The following NBAS variants were observed in gnomAD, a reference collection of about 807,000 sequenced individuals.
NBAS encodes NBAS subunit of NRZ tethering complex, also known as NAG/BC035112 fusion.
A neutral mutation model predicts 302.5 loss-of-function variants in NBAS; 219 were observed. The ratio of observed to expected loss-of-function variants is 0.72; its 90% CI spans 0.65 to 0.81. The LOEUF is 0.81. NBAS is among the 30% of genes least tolerant of loss of function. The probability of loss-of-function intolerance (pLI) is 0.00; values close to 1 mark genes in which losing one functional copy is unlikely to be tolerated. For missense variants in NBAS, 2,932 were observed against 2,841.6 expected (o/e 1.03, Z -0.72); for synonymous variants, 1,118 against 1,021.6 (o/e 1.09, Z -1.80).
chr2:15,123,644 T>G, the NBAS span, among the ~76,000 whole-genome samples: 1 of 152,046 alleles, frequency 6.6e-6, no homozygotes, highest in African/African-American at 2.4e-5. Flanking sequence ...AGCACCTCCC[T>G]CCTCTCTGTC....
chr2:15,376,248 G>A (rs893164163), intron 30 of NBAS, among the ~76,000 whole-genome samples: 1 of 152,042 alleles, frequency 6.6e-6, no homozygotes, highest in Non-Finnish European at 1.5e-5. Flanking sequence ...AGGCTCACAG[G>A]TCACAATCAG....
At chr2:15,350,904 G>A (rs1302172691) in intron 35 of NBAS, among the ~76,000 whole-genome samples, 2 of 152,104 alleles carry the variant, frequency 1.3e-5, no homozygotes, top group Non-Finnish European at 2.9e-5. Flanking sequence ...AGTCTCATTG[G>A]TAAAACAAAA....
At chr2:15,227,707 CA>C (rs776656675) in intron 47 of NBAS, among the ~76,000 whole-genome samples, 1 of 152,124 alleles carries the variant, frequency 6.6e-6, no homozygotes, top group Non-Finnish European at 1.5e-5. Context: ...TGATTTTTGA[CA>C]AAGGCTCCAA....
chr2:14,858,426 T>C, the NBAS span, among the ~76,000 whole-genome samples: 1 of 152,042 alleles, frequency 6.6e-6, no homozygotes, highest in Admixed American at 6.5e-5. Context: ...CATCAGTAGA[T>C]GAATGGATAA....
At chr2:15,419,404 A>AGTGT (rs139124907) in intron 23 of NBAS, among the ~76,000 whole-genome samples, 1 of 149,826 alleles carries the variant, frequency 6.7e-6, no homozygotes, top group African/African-American at 2.5e-5. Flanking sequence ...TGTGTGTATG[A>AGTGT]GTGTGTGTGT....
chr2:15,227,536 T>C (rs1027260426), intron 47 of NBAS, among the ~76,000 whole-genome samples: 1 of 151,872 alleles, frequency 6.6e-6, no homozygotes, highest in African/African-American at 2.4e-5. Flanking sequence ...AGACCCTGGA[T>C]ACCTAAAACA....
chr2:15,275,304 T>C (rs1346862976), intron 44 of NBAS, among the ~76,000 whole-genome samples, 180 bp downstream of exon 44: 1 of 152,060 alleles, frequency 6.6e-6, no homozygotes, highest in Non-Finnish European at 1.5e-5. Flanking sequence ...ACATCTACAA[T>C]AGAGAAAAAA....
chr2:15,091,935 G>A, the NBAS span, among the ~76,000 whole-genome samples: 1 of 152,220 alleles, frequency 6.6e-6, no homozygotes, highest in Non-Finnish European at 1.5e-5. Context: ...TTAAAAGACT[G>A]CTTATGTTAT....
chr2:15,361,882 A>AG (rs1223671379), intron 32 of NBAS, among the ~76,000 whole-genome samples: 1 of 152,014 alleles, frequency 6.6e-6, no homozygotes. Flanking sequence ...TGGGAAGCTG[A>AG]GGCAGGAGAA....
chr2:15,162,820 T>C (rs774759082), downstream of NBAS, among the ~76,000 whole-genome samples: 1 of 152,218 alleles, frequency 6.6e-6, no homozygotes, highest in Non-Finnish European at 1.5e-5. Context: ...TTTGAAGTTA[T>C]TAAGAAGAAA....
chr2:15,517,567 G>A (rs74443693), intron 9 of NBAS, among the ~76,000 whole-genome samples: 172 of 152,160 alleles, frequency 1.1e-3, no homozygotes, highest in Non-Finnish European at 2.2e-3. Context: ...ATACATCTTA[G>A]GTCAAAGAAA....
At chr2:15,062,881 G>C in the NBAS span, among the ~76,000 whole-genome samples, 1 of 152,168 alleles carries the variant, frequency 6.6e-6, no homozygotes, top group South Asian at 2.1e-4. Context: ...TCAGGAGAGG[G>C]ACACTAGTCT....
chr2:15,473,355 T>A lies in NBAS; in HGVS notation c.1600-8A>T, dbSNP rs1158524139. The A allele has an allele frequency of 6.2e-7, 1 of 1,613,502 alleles. No individual in the cohort carries two copies. Among genetic ancestry groups the A allele is most frequent in the Non-Finnish European group, 8.5e-7 (1 of 1,179,604 alleles). Reference sequence around the variant, plus strand: ...ATACTCTTCACTTTCAATCTTCAGATAAAAACACGAGGACAGGAATGTTAC... The same window carrying A: ...ATACTCTTCACTTTCAATCTTCAGAAAAAAACACGAGGACAGGAATGTTAC... On this transcript the variant is annotated splice_region_variant and splice_polypyrimidine_tract_variant and intron_variant, in intron 15 of 51. Coordinates refer to ENST00000281513, the MANE Select transcript of NBAS (RefSeq NM_015909.4).
chr2:15,330,451 C>T, intron 36 of NBAS, 147 bp downstream of exon 36: 1 of 992,894 alleles, frequency 1.0e-6, no homozygotes, highest in Non-Finnish European at 1.5e-6. Context: ...AGATTACTCC[C>T]TATCTGATGA....
the NBAS span, among the ~76,000 whole-genome samples, chr2:14,845,419 C>T: frequency 6.6e-6 from 1 of 152,178 alleles, no homozygotes; most frequent in East Asian, 1.9e-4. Context: ...ACATGGAAAT[C>T]CTTCCTAAGA....
At chr2:15,153,720 A>G in the NBAS span, among the ~76,000 whole-genome samples, 1 of 152,230 alleles carries the variant, frequency 6.6e-6, no homozygotes. Flanking sequence ...TGGAGTCAGA[A>G]TCTACTTGAC....
the NBAS span, among the ~76,000 whole-genome samples, chr2:14,910,184 G>C: frequency 6.6e-6 from 1 of 152,154 alleles, no homozygotes. Context: ...AAAATGGCTT[G>C]ATTTAAAAGG....
chr2:14,910,759 C>A, the NBAS span, among the ~76,000 whole-genome samples: 3 of 152,206 alleles, frequency 2.0e-5, no homozygotes, highest in African/African-American at 4.8e-5. Context: ...ATTTTCCCCA[C>A]ATTTTTAAAT....
intron 16 of NBAS, among the ~76,000 whole-genome samples, chr2:15,469,951 C>T (rs533278081): frequency 5.9e-5 from 9 of 151,450 alleles, no homozygotes; most frequent in African/African-American, 2.2e-4. Context: ...CAAACCTGCA[C>T]GTTGTGCACA....
Sources: gnomAD v4.1 joint callset for allele counts (sites outside exome capture counted in the v4.1 genomes callset) on GRCh38, gnomAD v4.1.1 for gene constraint, MANE v1.5 for transcripts, NCBI Gene and HGNC (gene_info 2026-07-23, HGNC 2026-07-21) for gene names.